COL4A3: variants seen among roughly 807,000 people sequenced by gnomAD.
The protein encoded by COL4A3 is collagen type IV alpha 3 chain, also known as collagen alpha-3(IV) chain.
Under a neutral mutation model 217.4 loss-of-function variants are expected in COL4A3, and 135 were observed. That is an observed-to-expected ratio of 0.62 (90% CI 0.54 to 0.72). The LOEUF (loss-of-function observed/expected upper bound fraction) is 0.72. Ranked by LOEUF, COL4A3 falls within the 30% of genes least tolerant of loss-of-function variation. COL4A3 has a pLI of 0.00. For synonymous variants in COL4A3, 690 were observed against 736.3 expected (o/e 0.94, Z 1.02); for missense variants, 1,868 against 2,119.9 (o/e 0.88, Z 2.33).
At chr2:227,215,297 T>C (rs1370115596) in intron 1 of COL4A3, among the ~76,000 whole-genome samples, 1 of 152,206 alleles carries the variant, frequency 6.6e-6, no homozygotes, top group African/African-American at 2.4e-5. Context: ...TTTTTAATCA[T>C]TCTATGTATT....
intron 1 of COL4A3, among the ~76,000 whole-genome samples, chr2:227,215,114 C>A (rs1332064336): frequency 6.6e-6 from 1 of 151,524 alleles, no homozygotes; most frequent in Non-Finnish European, 1.5e-5. Flanking sequence ...TTTTATTTTT[C>A]ATTTTGTGGA....
In COL4A3 at chr2:227,276,489, C is replaced by G; in HGVS notation, c.2020+12C>G. 6.3e-7 allele frequency: 1 copy of G among 1,590,918 alleles called. No homozygotes were observed. The highest frequency in any genetic ancestry group is 1.7e-5 in the Admixed American group (1 of 59,994). On this transcript the variant is annotated intron_variant, in intron 27 of 51. Coordinates refer to ENST00000396578, the MANE Select transcript of COL4A3 (RefSeq NM_000091.5). ...CCAAGGTCCACCTGGTAAGTATCCT[C>G]TGCCAAATCTGGTACATGGCATCAG...
chr2:227,266,618 G>A (rs754752040), intron 22 of COL4A3, 109 bp downstream of exon 22: 80 of 831,382 alleles, frequency 9.6e-5, no homozygotes, highest in Non-Finnish European at 1.5e-4. Context: ...ACCAGTCAGT[G>A]ATGACTTATT....
chr2:227,271,305 T>A (rs2071221343), intron 25 of COL4A3, among the ~76,000 whole-genome samples: 1 of 152,222 alleles, frequency 6.6e-6, no homozygotes, highest in South Asian at 2.1e-4. Context: ...TCCATATTTT[T>A]AAATAAAAAT....
chr2:227,212,710 C>T (rs2067374891), intron 1 of COL4A3, among the ~76,000 whole-genome samples: 1 of 152,198 alleles, frequency 6.6e-6, no homozygotes, highest in South Asian at 2.1e-4. Flanking sequence ...TCCTGGGTCC[C>T]TCCCATTGCA....
intron 7 of COL4A3, 78 bp downstream of exon 7, chr2:227,246,816 C>T (rs764180248): frequency 1.6e-6 from 2 of 1,226,298 alleles, no homozygotes; most frequent in Non-Finnish European, 2.4e-6. Context: ...GCCATATACA[C>T]AAATCCGTCA....
At position 227,253,336 on chromosome 2, in the gene COL4A3, G is replaced by T. The variant is rs188942711; in HGVS notation, c.686G>T (p.Arg229Leu). Residue 229 changes from arginine to leucine, a missense_variant and splice_region_variant, in exon 12 of 52, where the codon CGG becomes CTG. By Grantham distance (102) the Arg-to-Leu change is moderately radical (BLOSUM62 -2). Transcript: ENST00000396578. This position sits in a 1 kb window ranked among gnomAD's most constrained non-coding sequence, Gnocchi z 4.4. ...GERVIGHKGERGVKGLTGPPG... is the reference protein window; with the variant it reads ...GERVIGHKGELGVKGLTGPPG... ...AGAGTGATAGGACATAAAGGAGAGC[G>T]GGTAATTTAAATACTATGTTTTATT... 126 of 1,613,456 alleles carry T rather than the reference G, an allele frequency of 7.8e-5. No homozygotes were observed. The highest frequency in any genetic ancestry group is 1.1e-4 in the Non-Finnish European group (125 of 1,179,558).
Position 227,279,802 on chromosome 2 carries a change from GT to G in COL4A3, c.2139del (p.Pro714GlnfsTer33). ...TGTTTTTTCTCTGTAGGAGACCAAG[GT>G]TTTCCAGGTACAAAAGGATCACTGG... is the stretch of plus-strand genomic sequence containing the variant. ...PGPPGPKGDQGFPGTKGSLGC... is the reference protein window; with the variant it reads ...PGPPGPKGDQXFPGTKGSLGC... On this transcript the variant is annotated frameshift_variant, in exon 29 of 52. Transcript: ENST00000396578. LOFTEE classifies it high-confidence loss of function. 1.2e-6 allele frequency: 2 copies of G among 1,607,306 alleles called. No individual in the cohort carries two copies. The highest frequency in any genetic ancestry group is 1.1e-5 in the South Asian group (1 of 89,388).
chr2:227,266,658 G>A (rs1348554956), intron 22 of COL4A3, 149 bp downstream of exon 22: 1 of 727,560 alleles, frequency 1.4e-6, no homozygotes, highest in Non-Finnish European at 2.4e-6. Flanking sequence ...TCATTTATCT[G>A]TAAATCAATA....
rs1460866059 is a variant in COL4A3 at position 227,312,620 on chromosome 2, T to C, written c.*750T>C. ...TTCCAAGCATATAAAATTTTCCCCCTTAGTGAATTAGTTTTAAAATGATAT... is the reference window on the plus strand; with the variant it reads ...TTCCAAGCATATAAAATTTTCCCCCCTAGTGAATTAGTTTTAAAATGATAT... On this transcript the variant is annotated 3_prime_UTR_variant, in exon 52 of 52. Transcript: ENST00000396578. 1 of 152,610 alleles carries C rather than the reference T, an allele frequency of 6.6e-6. No homozygotes were observed. The highest frequency in any genetic ancestry group is 1.5e-5 in the Non-Finnish European group (1 of 68,032). 9.5% of individuals were successfully genotyped at this position (152,610 alleles called of 1,614,324 possible).
chr2:227,244,577 T>C (rs1192586419), intron 4 of COL4A3, among the ~76,000 whole-genome samples: 2 of 152,162 alleles, frequency 1.3e-5, no homozygotes, highest in Admixed American at 1.3e-4. Flanking sequence ...AAGGAACCTC[T>C]GGAGTGATAA....
rs1332418544 is a variant in COL4A3 at position 227,245,064 on chromosome 2, C to G, written c.324+69C>G. ...GCTCATTTTAATAAAGATGTTAAAA[C>G]AGTCGTGCAAGAAAATGTGTTCTGA... On this transcript the variant is annotated intron_variant, in intron 5 of 51. Transcript: ENST00000396578. 7 of 1,468,202 alleles carry G rather than the reference C, an allele frequency of 4.8e-6. No individual in the cohort carries two copies. In the African/African-American group the frequency reaches 5.6e-5, roughly 12 times the overall value. The allele number at this position is 1,468,202 out of a possible 1,614,324, so 90.9% of individuals were successfully genotyped here.
intron 1 of COL4A3, among the ~76,000 whole-genome samples, chr2:227,204,963 T>C (rs1037295065): frequency 6.6e-6 from 1 of 152,232 alleles, no homozygotes; most frequent in African/African-American, 2.4e-5. Flanking sequence ...ACAGCGGTGA[T>C]GGAAAACAGG....
At chr2:227,305,379 G>GT (rs1282461652) in intron 47 of COL4A3, 1 of 358,910 alleles carries the variant, frequency 2.8e-6, no homozygotes, top group Non-Finnish European at 5.3e-6. Flanking sequence ...GCCAATACCT[G>GT]TTTTTAATAA....
At position 227,254,704 on chromosome 2, in the gene COL4A3, C is replaced by G; in HGVS notation, c.877C>G (p.Pro293Ala). Residue 293 changes from proline (P) to alanine (A), a missense_variant, in exon 15 of 52, where the codon CCT becomes GCT. Coordinates refer to ENST00000396578, the MANE Select transcript of COL4A3 (RefSeq NM_000091.5). Reference protein sequence around the residue: ...YGSEKGAPGDPGLQGKPGKDG... With the variant: ...YGSEKGAPGDAGLQGKPGKDG... ...ATCTGAAAAGGGTGCTCCTGGAGACCCTGGCCTGCAGGTAAATTTGGAAAT... is the reference window on the plus strand; with the variant it reads ...ATCTGAAAAGGGTGCTCCTGGAGACGCTGGCCTGCAGGTAAATTTGGAAAT... 1 of 1,612,878 alleles carries G rather than the reference C, an allele frequency of 6.2e-7. No individual in the cohort carries two copies. The highest frequency in any genetic ancestry group is 2.2e-5 in the East Asian group (1 of 44,880).
chr2:227,274,790 T>C (rs1467287480), intron 26 of COL4A3, among the ~76,000 whole-genome samples: 2 of 152,120 alleles, frequency 1.3e-5, no homozygotes, highest in African/African-American at 4.8e-5. Context: ...TGAGCCACCA[T>C]GCCTGGCCGA....
intron 8 of COL4A3, among the ~76,000 whole-genome samples, chr2:227,248,005 T>C (rs2069454074): frequency 6.6e-6 from 1 of 152,224 alleles, no homozygotes; most frequent in Admixed American, 6.5e-5. Context: ...AGTGGCACGA[T>C]CTCAGCTCAC....
intron 1 of COL4A3, among the ~76,000 whole-genome samples, chr2:227,235,467 G>A (rs780182875): frequency 2.0e-5 from 3 of 152,114 alleles, no homozygotes; most frequent in Non-Finnish European, 4.4e-5. Context: ...ATTTCAATAG[G>A]TTATTGGGGA....
At chr2:227,284,390 C>A (rs1057444400) in intron 34 of COL4A3, 45 bp downstream of exon 34, 2 of 1,589,580 alleles carry the variant, frequency 1.3e-6, no homozygotes, top group South Asian at 1.1e-5. Context: ...AGCTGATTCT[C>A]AGGCTAATAA....
Sources: allele counts gnomAD v4.1 joint callset (sites outside exome capture counted in the v4.1 genomes callset), GRCh38; gene constraint gnomAD v4.1.1; non-coding constraint Gnocchi (gnomAD v3.1); transcripts MANE v1.5; gene names NCBI Gene and HGNC (gene_info 2026-07-23, HGNC 2026-07-21).